The following ERBB4 variants were observed in gnomAD, a reference collection of about 807,000 sequenced individuals.
ERBB4 encodes receptor tyrosine-protein kinase erbB-4.
In ERBB4, 42 loss-of-function variants were observed where a neutral mutation model predicts 158.0. The observed-to-expected ratio is 0.27, with a 90% CI of 0.21 to 0.34. The LOEUF (loss-of-function observed/expected upper bound fraction) is 0.34. Ranked by LOEUF, ERBB4 falls within the 10% of genes least tolerant of loss-of-function variation. ERBB4 has a pLI of 1.00. For synonymous variants in ERBB4, 583 were observed against 558.7 expected, an observed-to-expected ratio of 1.04 and a Z score of -0.61; for missense variants, 1,333 against 1,624.1, an observed-to-expected ratio of 0.82 and a Z score of 3.08.
chr2:212,536,716 G>A (rs1002720047), intron 1 of ERBB4, among the ~76,000 whole-genome samples: 1 of 152,186 alleles, frequency 6.6e-6, no homozygotes, highest in Non-Finnish European at 1.5e-5. Flanking sequence ...TCAACTCGGA[G>A]CCGCACAGTT....
At chr2:211,610,631 G>A (rs1204119101) in intron 19 of ERBB4, among the ~76,000 whole-genome samples, 1 of 152,080 alleles carries the variant, frequency 6.6e-6, no homozygotes, top group Non-Finnish European at 1.5e-5. Context: ...AATTGCACAT[G>A]ATTAGTTTAA....
At chr2:211,572,119 C>T (rs910533198) in intron 19 of ERBB4, among the ~76,000 whole-genome samples, 2 of 152,094 alleles carry the variant, frequency 1.3e-5, no homozygotes, top group African/African-American at 2.4e-5. Context: ...CATTCTGACT[C>T]CTACTTAAAT....
At chr2:212,262,088 C>G (rs912476649) in intron 1 of ERBB4, among the ~76,000 whole-genome samples, 1 of 151,906 alleles carries the variant, frequency 6.6e-6, no homozygotes, top group African/African-American at 2.4e-5. Flanking sequence ...TCTAATTGTT[C>G]CCACTTTTTG....
Position 211,394,458 on chromosome 2 carries a change from C to A in ERBB4, c.3136-6466G>T, listed in dbSNP as rs181925463. ...TGTTGTCATAATTGAACCTTTTCCT[C>A]ATGATCACTTAGCTACTAGCTAATG... On this transcript the variant is annotated intron_variant, in intron 25 of 27. Coordinates refer to ENST00000342788, the MANE Select transcript of ERBB4 (RefSeq NM_005235.3). Among the ~76,000 whole-genome samples, 1,024 of 152,254 alleles carry A rather than the reference C, an allele frequency of 6.7e-3. 13 individuals carry two copies. The highest frequency in any genetic ancestry group is 0.02 in the South Asian group (96 of 4,828).
intron 1 of ERBB4, among the ~76,000 whole-genome samples, chr2:212,160,634 G>A (rs1454220467): frequency 6.6e-6 from 1 of 151,992 alleles, no homozygotes; most frequent in Non-Finnish European, 1.5e-5. Context: ...CCTCTTAGAA[G>A]AAGAGGGATG....
chr2:212,279,095 T>C (rs751862111), intron 1 of ERBB4, among the ~76,000 whole-genome samples: 5 of 151,614 alleles, frequency 3.3e-5, no homozygotes, highest in Non-Finnish European at 7.4e-5. Context: ...TAATGCAACA[T>C]AATTTGCTTA....
chr2:212,218,073 AAAGT>A (rs1393287187), intron 1 of ERBB4, among the ~76,000 whole-genome samples: 1 of 151,240 alleles, frequency 6.6e-6, no homozygotes, highest in Non-Finnish European at 1.5e-5. Flanking sequence ...ATTATTATGA[AAAGT>A]AACATAATAA....
At chr2:212,325,300 C>T (rs1314655446) in intron 1 of ERBB4, among the ~76,000 whole-genome samples, 2 of 150,472 alleles carry the variant, frequency 1.3e-5, no homozygotes, top group Non-Finnish European at 3.0e-5. Context: ...GAAAAACATT[C>T]TCATATGCAC....
chr2:212,473,746 T>G (rs1689232934), intron 1 of ERBB4, among the ~76,000 whole-genome samples: 1 of 152,100 alleles, frequency 6.6e-6, no homozygotes, highest in South Asian at 2.1e-4. Context: ...TTACTGATAT[T>G]GGAATCTTCA....
intron 1 of ERBB4, among the ~76,000 whole-genome samples, chr2:212,508,090 C>G (rs1324239210): frequency 6.6e-6 from 1 of 152,208 alleles, no homozygotes; most frequent in Admixed American, 6.5e-5. Context: ...AAAATGATTA[C>G]AACCCATTGA....
chr2:211,981,811 T>C (rs191699513), intron 2 of ERBB4, among the ~76,000 whole-genome samples: 1 of 152,220 alleles, frequency 6.6e-6, no homozygotes, highest in Admixed American at 6.5e-5. Flanking sequence ...CACATGAGTA[T>C]GTGCACATGA....
chr2:212,071,882 G>A (rs1015529885), intron 2 of ERBB4, among the ~76,000 whole-genome samples: 1 of 151,960 alleles, frequency 6.6e-6, no homozygotes, highest in African/African-American at 2.4e-5. Flanking sequence ...GACAATAGAT[G>A]TCTACTGCAG....
chr2:212,125,163 C>T (rs16847746), intron 1 of ERBB4: 23,751 of 459,004 alleles, frequency 0.052, 1,279 homozygotes, highest in African/African-American at 0.2. Flanking sequence ...AAACTTAATC[C>T]CATTTGTTAT....
intron 4 of ERBB4, among the ~76,000 whole-genome samples, chr2:211,757,218 A>T (rs1362635841): frequency 6.6e-6 from 1 of 152,154 alleles, no homozygotes; most frequent in Non-Finnish European, 1.5e-5. Context: ...TCCAGTCTCA[A>T]TTCAATTTTC....
At chr2:212,082,884 TG>T (rs2078488732) in intron 2 of ERBB4, among the ~76,000 whole-genome samples, 1 of 152,062 alleles carries the variant, frequency 6.6e-6, no homozygotes, top group South Asian at 2.1e-4. Context: ...TTTCCTTCTC[TG>T]GTCCTGACCA....
chr2:211,529,715 T>A (rs556584191), intron 20 of ERBB4, among the ~76,000 whole-genome samples: 54 of 152,142 alleles, frequency 3.5e-4, no homozygotes, highest in Non-Finnish European at 6.9e-4. Flanking sequence ...ACTAATGTGA[T>A]ACATCATATC....
intron 3 of ERBB4, among the ~76,000 whole-genome samples, chr2:211,849,887 A>G (rs1026729383): frequency 6.6e-6 from 1 of 151,992 alleles, no homozygotes; most frequent in African/African-American, 2.4e-5. Context: ...TTTGGTTTTA[A>G]TAATGACTAT....
intron 1 of ERBB4, among the ~76,000 whole-genome samples, chr2:212,272,116 C>T (rs1223836187): frequency 4.6e-5 from 7 of 151,518 alleles, no homozygotes; most frequent in African/African-American, 1.7e-4. Context: ...TTTAACACTA[C>T]CTGTTTATAA....
chr2:211,754,843 G>C (rs1559489039), intron 4 of ERBB4, among the ~76,000 whole-genome samples: 1 of 151,684 alleles, frequency 6.6e-6, no homozygotes, highest in African/African-American at 2.4e-5. Context: ...TGGGATTATA[G>C]AAATGCACCA....
Sources: gnomAD v4.1 joint callset for allele counts (sites outside exome capture counted in the v4.1 genomes callset) on GRCh38, gnomAD v4.1.1 for gene constraint, MANE v1.5 for transcripts, NCBI Gene and HGNC (gene_info 2026-07-23, HGNC 2026-07-21) for gene names.